The following SMAD3 variants were observed in gnomAD, a reference collection of about 807,000 sequenced individuals.
SMAD3 encodes the protein SMAD family member 3.
SMAD3 carries 12 observed loss-of-function variants against 51.8 expected under a neutral mutation model. The observed-to-expected ratio is 0.23, with a 90% CI of 0.15 to 0.38. The LOEUF is 0.38. SMAD3 is among the 10% of genes least tolerant of loss of function. The probability of loss-of-function intolerance (pLI) is 1.00; values close to 1 mark genes in which losing one functional copy is unlikely to be tolerated. For missense variants in SMAD3, 294 were observed against 565.6 expected (o/e 0.52, Z 4.87); for synonymous variants, 238 against 227.7 (o/e 1.05, Z -0.41).
At chr15:67,148,298 G>C (rs960845971) in intron 1 of SMAD3, among the ~76,000 whole-genome samples, 61 of 152,282 alleles carry the variant, frequency 4.0e-4, no homozygotes, top group African/African-American at 1.4e-3. Flanking sequence ...GCCAGAGGGA[G>C]GGCCACACAC....
intron 1 of SMAD3, among the ~76,000 whole-genome samples, chr15:67,082,880 C>A (rs984240264): frequency 2.6e-5 from 4 of 152,110 alleles, no homozygotes; most frequent in African/African-American, 9.7e-5. Flanking sequence ...TTGAGGTCTT[C>A]TTGTTTTTCT....
chr15:67,107,559 G>T (rs7173195), intron 1 of SMAD3, among the ~76,000 whole-genome samples: 5,436 of 152,300 alleles, frequency 0.036, 308 homozygotes, highest in African/African-American at 0.12. Flanking sequence ...TTTCTGATGG[G>T]AGAGGGGCTT....
chr15:67,158,857 C>T (rs940551755), intron 1 of SMAD3, among the ~76,000 whole-genome samples: 3 of 152,156 alleles, frequency 2.0e-5, no homozygotes, highest in Non-Finnish European at 2.9e-5. Context: ...GAGGACCTAC[C>T]GTGTTCCTTA....
At chr15:67,126,219 G>A (rs1390463305) in intron 1 of SMAD3, among the ~76,000 whole-genome samples, 1 of 152,080 alleles carries the variant, frequency 6.6e-6, no homozygotes. Flanking sequence ...GCACCATCTT[G>A]CGAGGTGTCA....
At chr15:67,099,396 A>G (rs1190679367) in intron 1 of SMAD3, among the ~76,000 whole-genome samples, 2 of 152,222 alleles carry the variant, frequency 1.3e-5, no homozygotes, top group East Asian at 3.8e-4. Context: ...ATTTAAAGGA[A>G]TCCTGTTGTA....
At chr15:67,069,236 G>T (rs1212156436) in intron 1 of SMAD3, among the ~76,000 whole-genome samples, 1 of 152,206 alleles carries the variant, frequency 6.6e-6, no homozygotes, top group Non-Finnish European at 1.5e-5. Context: ...AGGTGAAAGA[G>T]ATTGGTGCCA....
chr15:67,146,729 C>T (rs1566984118), intron 1 of SMAD3, among the ~76,000 whole-genome samples: 2 of 152,148 alleles, frequency 1.3e-5, no homozygotes, highest in South Asian at 4.2e-4. Flanking sequence ...GAGCCTGTAG[C>T]TGCCTCTTCA....
chr15:67,120,533 C>A (rs1961235145), intron 1 of SMAD3, among the ~76,000 whole-genome samples: 1 of 152,162 alleles, frequency 6.6e-6, no homozygotes, highest in Non-Finnish European at 1.5e-5. Context: ...ACGCCATAAT[C>A]TAAGACTGCT....
At chr15:67,179,153 A>C (rs1962985679) in intron 5 of SMAD3, among the ~76,000 whole-genome samples, 1 of 152,166 alleles carries the variant, frequency 6.6e-6, no homozygotes, top group Non-Finnish European at 1.5e-5. Flanking sequence ...TCGCAGTTGC[A>C]TGTCTAGTCT....
chr15:67,150,076 A>T (rs937431072), intron 1 of SMAD3, among the ~76,000 whole-genome samples: 1 of 152,188 alleles, frequency 6.6e-6, no homozygotes, highest in Non-Finnish European at 1.5e-5. Flanking sequence ...CATAAGACTG[A>T]GATGGTTGTA....
chr15:67,091,574 T>C (rs1313642529), intron 1 of SMAD3, among the ~76,000 whole-genome samples: 1 of 152,252 alleles, frequency 6.6e-6, no homozygotes, highest in African/African-American at 2.4e-5. Flanking sequence ...AGATTCATTG[T>C]CATGGATTCA....
At chr15:67,165,908 T>A (rs1962575403) in intron 3 of SMAD3, 1 of 165,014 alleles carries the variant, frequency 6.1e-6, no homozygotes, top group South Asian at 1.7e-4. Context: ...TGCAAATGTT[T>A]TTAGAAGCCC....
chr15:67,153,730 G>GC (rs1446562103), intron 1 of SMAD3, among the ~76,000 whole-genome samples: 1 of 152,158 alleles, frequency 6.6e-6, no homozygotes, highest in Non-Finnish European at 1.5e-5. Context: ...ACACAGGACA[G>GC]CCCCCTAGCC....
At chr15:67,149,834 T>A (rs1464778589) in intron 1 of SMAD3, among the ~76,000 whole-genome samples, 3 of 152,228 alleles carry the variant, frequency 2.0e-5, no homozygotes, top group African/African-American at 7.2e-5. Context: ...AGCAAGAGAA[T>A]GTGTATGGAA....
chr15:67,142,879 T>G (rs1285056904), intron 1 of SMAD3: 1 of 454,286 alleles, frequency 2.2e-6, no homozygotes, highest in Non-Finnish European at 4.4e-6. Context: ...TGATCCCATG[T>G]GCAGGAGACA....
At chr15:67,145,162 T>C (rs534968593) in intron 1 of SMAD3, among the ~76,000 whole-genome samples, 1 of 152,290 alleles carries the variant, frequency 6.6e-6, no homozygotes, top group South Asian at 2.1e-4. Flanking sequence ...CTCTGATAAA[T>C]AGTCAAAGAC....
chr15:67,154,986 C>T (rs1392686500), intron 1 of SMAD3, among the ~76,000 whole-genome samples: 1 of 152,186 alleles, frequency 6.6e-6, no homozygotes, highest in East Asian at 1.9e-4. Context: ...AGCTTGGTTG[C>T]AAGGAAAGAG....
intron 1 of SMAD3, among the ~76,000 whole-genome samples, chr15:67,120,965 G>A (rs180681765): frequency 2.6e-5 from 4 of 152,268 alleles, no homozygotes; most frequent in African/African-American, 4.8e-5. Flanking sequence ...CCAAAACACC[G>A]GACACCCCTG....
chr15:67,176,102 C>T (rs552607869), intron 5 of SMAD3, among the ~76,000 whole-genome samples: 22 of 152,224 alleles, frequency 1.4e-4, no homozygotes, highest in African/African-American at 2.4e-4. Context: ...TATTTTAGTC[C>T]GCAGATACAT....
Sources: allele counts gnomAD v4.1 joint callset (sites outside exome capture counted in the v4.1 genomes callset), GRCh38; gene constraint gnomAD v4.1.1; transcripts MANE v1.5; gene names NCBI Gene and HGNC (gene_info 2026-07-23, HGNC 2026-07-21).